The following DOCK11 variants were observed in gnomAD, a reference collection of about 807,000 sequenced individuals.
DOCK11 encodes dedicator of cytokinesis protein 11.
Under a neutral mutation model 169.1 loss-of-function variants are expected in DOCK11, and 70 were observed. The observed-to-expected ratio is 0.41, with a 90% confidence interval of 0.34 to 0.51. DOCK11 has a LOEUF of 0.51. Among genes scored for constraint, DOCK11 ranks in the 20% least tolerant of loss-of-function variants. DOCK11 has a pLI of 0.10. For missense variants in DOCK11, 1,166 were observed against 1,538.8 expected (o/e 0.76, Z 4.05); for synonymous variants, 529 against 541.3 (o/e 0.98, Z 0.32).
intron 42 of DOCK11, among the ~76,000 whole-genome samples, chrX:118,653,138 T>A (rs1266967238): frequency 3.6e-5 from 4 of 111,837 alleles, no homozygotes; most frequent in Non-Finnish European, 7.5e-5. Flanking sequence ...TCCTTAGTAC[T>A]ATGTTATATA....
chrX:118,571,698 A>G (rs762119909), intron 10 of DOCK11, among the ~76,000 whole-genome samples: 1 of 112,195 alleles, frequency 8.9e-6, no homozygotes, highest in South Asian at 3.7e-4. Context: ...CTGTCCTGGA[A>G]CATATATTGT....
rs59721327 is a variant in DOCK11 at position 118,546,210 on chromosome X, C to CCAAAAAAAA, written c.558+94_558+95insCAAAAAAAA. ...ATATTTATTTTACAAAGAGCCCTAG[C>CCAAAAAAAA]AAAAAAAAAAAAAAAAAAAAAGGAG... On this transcript the variant is annotated intron_variant, in intron 6 of 52. Coordinates refer to ENST00000276202, the MANE Select transcript of DOCK11 (RefSeq NM_144658.4). 97 of 49,309 alleles carry CCAAAAAAAA rather than the reference C, an allele frequency of 2.0e-3. 16 individuals are homozygous for CCAAAAAAAA. The highest frequency in any genetic ancestry group is 0.019 in the Middle Eastern group (1 of 53). The allele number at this position is 49,309 out of a possible 1,213,427, so 4.1% of individuals were successfully genotyped here.
chrX:118,587,507 C>T (rs2013852506), intron 16 of DOCK11, among the ~76,000 whole-genome samples: 1 of 111,924 alleles, frequency 8.9e-6, no homozygotes, highest in African/African-American at 3.2e-5. Context: ...TGCTCTGCAG[C>T]AAGGACCAGC....
intron 45 of DOCK11, among the ~76,000 whole-genome samples, chrX:118,665,735 T>TA (rs1313038120): frequency 3.6e-5 from 4 of 112,001 alleles, no homozygotes; most frequent in Non-Finnish European, 7.5e-5. Context: ...CCTAGCCAAT[T>TA]AAAAAAACTG....
Position 118,504,293 on chromosome X carries a change from C to T in DOCK11, c.102+8220C>T, listed in dbSNP as rs985841514. 4.5e-5 allele frequency among the ~76,000 whole-genome samples: 5 copies of T among 111,551 alleles called. No individual in the cohort carries two copies. The East Asian group carries it at 1.4e-3, about 31-fold the overall frequency. On this transcript the variant is annotated intron_variant, in intron 1 of 52. Coordinates refer to ENST00000276202, the MANE Select transcript of DOCK11 (RefSeq NM_144658.4). ...ACATTTATTTGACCACAGACCCTGC[C>T]CCACCCCCAACCGGCTTTTTATGGA...
chrX:118,539,117 C>A (rs1304855181), intron 1 of DOCK11, among the ~76,000 whole-genome samples: 1 of 111,387 alleles, frequency 9.0e-6, no homozygotes, highest in Non-Finnish European at 1.9e-5. Context: ...AACTTTTCCG[C>A]AATTGAGCTA....
chrX:118,674,820 A>C (rs755360017), intron 46 of DOCK11, among the ~76,000 whole-genome samples: 1 of 112,005 alleles, frequency 8.9e-6, no homozygotes, highest in South Asian at 3.7e-4. Flanking sequence ...TCATATCCTT[A>C]CCAACATTTT....
chrX:118,672,462 T>C (rs1451309281), intron 46 of DOCK11, among the ~76,000 whole-genome samples: 2 of 113,018 alleles, frequency 1.8e-5, no homozygotes, highest in Non-Finnish European at 3.7e-5. Context: ...AGACGGAGTC[T>C]TGCTCTTTGG....
intron 44 of DOCK11, among the ~76,000 whole-genome samples, chrX:118,656,698 T>C (rs1011179997): frequency 1.1e-4 from 12 of 112,128 alleles, no homozygotes; most frequent in African/African-American, 3.6e-4. Context: ...GCATGGTGGC[T>C]CACGCCTATA....
intron 35 of DOCK11, among the ~76,000 whole-genome samples, chrX:118,631,731 GA>G (rs1319633336): frequency 1.3e-3 from 148 of 110,164 alleles, no homozygotes; most frequent in Non-Finnish European, 2.4e-3. Context: ...AGATACATTA[GA>G]AAAAAAGCAG....
At chrX:118,659,316 G>T (rs752667171) in intron 44 of DOCK11, among the ~76,000 whole-genome samples, 2 of 111,800 alleles carry the variant, frequency 1.8e-5, no homozygotes, top group South Asian at 7.5e-4. Context: ...TAAACAGCAA[G>T]GTCAAGAGTC....
At chrX:118,571,617 T>A (rs760825055) in intron 10 of DOCK11, among the ~76,000 whole-genome samples, 76 of 111,956 alleles carry the variant, frequency 6.8e-4, no homozygotes, top group African/African-American at 2.3e-3. Context: ...ACATATTAGT[T>A]TTGATGCTTC....
chrX:118,519,771 G>A lies in DOCK11; in HGVS notation c.103-22954G>A, dbSNP rs186555309. Among the ~76,000 whole-genome samples, 3 of 111,549 alleles carry A rather than the reference G, an allele frequency of 2.7e-5. No homozygotes were observed. In the Admixed American group the frequency reaches 2.9e-4, roughly 11 times the overall value. On this transcript the variant is annotated intron_variant, in intron 1 of 52. Transcript: ENST00000276202. ...ATCTGATTTTTGAATGAACTTTATT[G>A]GAATCCTTTGGAAAAGCAAAGCATA...
intron 36 of DOCK11, 46 bp downstream of exon 36, chrX:118,636,458 G>A: frequency 1.4e-6 from 1 of 714,720 alleles, no homozygotes; most frequent in South Asian, 3.8e-5. Context: ...CTTATTTGGG[G>A]AGAATTCAAC....
chrX:118,676,047 C>T lies in DOCK11; in HGVS notation c.5311C>T (p.Gln1771Ter). ...GTFFRVAFYGQSFFEEEDGKE... is the reference protein window; with the variant it reads ...GTFFRVAFYG ...TTTCTTCAGAGTTGCCTTTTATGGC[C>T]AAGTAAGTGTACTTGAATCCATAAA... Residue 1771 changes from glutamine (Q) to a stop codon, truncating the protein, a stop_gained and splice_region_variant, in exon 47 of 53, where the codon CAA becomes TAA. Coordinates refer to ENST00000276202, the MANE Select transcript of DOCK11 (RefSeq NM_144658.4). LOFTEE classifies it high-confidence loss of function. 8.8e-7 allele frequency: 1 copy of T among 1,133,313 alleles called. No homozygotes were observed. Among genetic ancestry groups the T allele is most frequent in the South Asian group, 1.9e-5 (1 of 51,884 alleles). 93.4% of individuals were successfully genotyped at this position (1,133,313 alleles called of 1,213,427 possible).
intron 23 of DOCK11, among the ~76,000 whole-genome samples, chrX:118,604,081 C>G (rs1317140464): frequency 8.9e-6 from 1 of 111,782 alleles, no homozygotes; most frequent in African/African-American, 3.3e-5. Context: ...AGCAGCATTG[C>G]TGGCCTCTGA....
intron 46 of DOCK11, among the ~76,000 whole-genome samples, chrX:118,672,015 C>T (rs1282812722): frequency 8.9e-6 from 1 of 112,401 alleles, no homozygotes; most frequent in Non-Finnish European, 1.9e-5. Flanking sequence ...CCCTCTTCCT[C>T]TCAGAGCGTA....
intron 36 of DOCK11, among the ~76,000 whole-genome samples, chrX:118,637,609 A>G (rs1049075499): frequency 9.0e-6 from 1 of 110,805 alleles, no homozygotes; most frequent in Admixed American, 9.6e-5. Context: ...AAAATAAAAC[A>G]TTAGCTGGGC....
At chrX:118,628,689 T>C (rs770519588) in intron 34 of DOCK11, among the ~76,000 whole-genome samples, 1 of 112,333 alleles carries the variant, frequency 8.9e-6, no homozygotes, top group East Asian at 2.8e-4. Context: ...TTGACAATCT[T>C]AGGGTCCCAG....
Sources: gnomAD v4.1 joint callset for allele counts (sites outside exome capture counted in the v4.1 genomes callset) on GRCh38, gnomAD v4.1.1 for gene constraint, MANE v1.5 for transcripts, NCBI Gene and HGNC (gene_info 2026-07-23, HGNC 2026-07-21) for gene names.